The following DLST variants were observed in gnomAD, a reference collection of about 807,000 sequenced individuals.
DLST encodes the protein dihydrolipoamide S-succinyltransferase.
In DLST, 17 loss-of-function variants were observed where a neutral mutation model predicts 53.1. That is an observed-to-expected ratio of 0.32 (90% confidence interval 0.22 to 0.48). The LOEUF is 0.48. Among genes scored for constraint, DLST ranks in the 20% least tolerant of loss-of-function variants. The pLI is 0.99. For missense variants in DLST, 512 were observed against 583.9 expected (o/e 0.88, Z 1.27); for synonymous variants, 206 against 204.8 (o/e 1.01, Z -0.05).
chr14:74,895,647 C>T (rs751058135), intron 10 of DLST, among the ~76,000 whole-genome samples: 3 of 152,022 alleles, frequency 2.0e-5, no homozygotes, highest in South Asian at 2.1e-4. Context: ...CGCTTGTAAT[C>T]GCAACACTTT....
intron 6 of DLST, 28 bp downstream of exon 6, chr14:74,889,980 T>C: frequency 6.2e-7 from 1 of 1,606,964 alleles, no homozygotes; most frequent in Non-Finnish European, 8.5e-7. Context: ...TCGTACCAGC[T>C]TTTCATGGGC....
chr14:74,891,816 C>T, intron 7 of DLST: 1 of 985,388 alleles, frequency 1.0e-6, no homozygotes, highest in Non-Finnish European at 1.2e-6. Flanking sequence ...CACTGTTACA[C>T]TAATAAGGCA....
At chr14:74,882,462 C>G (rs1455783821) in intron 1 of DLST, 129 bp from the exon 2 acceptor site, 6 of 860,624 alleles carry the variant, frequency 7.0e-6, no homozygotes, top group African/African-American at 1.7e-5. Context: ...CGGTGTGTTG[C>G]ATTTACCTTC....
At chr14:74,886,308 T>C (rs1399514135) in intron 3 of DLST, among the ~76,000 whole-genome samples, 6 of 152,204 alleles carry the variant, frequency 3.9e-5, no homozygotes, top group Admixed American at 1.3e-4. Context: ...TCTTACTTAC[T>C]CTACATCACA....
Position 74,882,593 on chromosome 14 carries a change from G to A in DLST, c.66G>A (p.Gly22=). Residue 22 remains glycine, a splice_region_variant and synonymous_variant, in exon 2 of 15, where the codon GGG becomes GGA. Coordinates refer to ENST00000334220, the MANE Select transcript of DLST (RefSeq NM_001933.5). ...FSRSLSAFQK[G]NCPLGRRSLP... ...GATAATGTCTTCTTTCTCAACAGGG[G>A]AACTGCCCTCTAGGGAGACGTTCCC... 1 of 1,613,844 alleles carries A rather than the reference G, an allele frequency of 6.2e-7. No individual in the cohort carries two copies. The highest frequency in any genetic ancestry group is 8.5e-7 in the Non-Finnish European group (1 of 1,179,942).
intron 6 of DLST, among the ~76,000 whole-genome samples, chr14:74,890,534 C>T (rs1040752791): frequency 1.3e-5 from 2 of 152,128 alleles, no homozygotes; most frequent in African/African-American, 2.4e-5. Flanking sequence ...CCACTTTTTC[C>T]TGTATCACTT....
chr14:74,890,729 G>A (rs1883874930), intron 6 of DLST, among the ~76,000 whole-genome samples: 1 of 151,978 alleles, frequency 6.6e-6, no homozygotes, highest in Non-Finnish European at 1.5e-5. Context: ...TGTTGTTGTT[G>A]TTTTGAGACG....
chr14:74,895,016 C>T (rs1381723745), intron 10 of DLST, among the ~76,000 whole-genome samples: 1 of 152,046 alleles, frequency 6.6e-6, no homozygotes, highest in Non-Finnish European at 1.5e-5. Context: ...TTGCTTGAGT[C>T]CAGGAGTTCA....
At position 74,902,402 on chromosome 14, in the gene DLST, G is replaced by T; in HGVS notation, c.*72G>T. The stretch of plus-strand genomic sequence containing the variant: ...CAGTCTTCTCCCTGTCCCCTCATGG[G>T]TCCCGGGTTAGCCTGGTGACAGGCA... On this transcript the variant is annotated 3_prime_UTR_variant, in exon 15 of 15. Transcript: ENST00000334220. The T allele has an allele frequency of 6.7e-7, 1 of 1,500,970 alleles. No individual in the cohort carries two copies. 93.0% of individuals were successfully genotyped at this position (1,500,970 alleles called of 1,614,324 possible).
chr14:74,893,770 A>G (rs140663178), intron 9 of DLST, among the ~76,000 whole-genome samples: 1 of 152,252 alleles, frequency 6.6e-6, no homozygotes, highest in East Asian at 1.9e-4. Context: ...CTCTATTCCT[A>G]TACTTCTGGG....
intron 2 of DLST, 137 bp from the exon 3 acceptor site, chr14:74,885,449 T>TCG: frequency 2.2e-6 from 2 of 907,500 alleles, no homozygotes; most frequent in East Asian, 4.9e-5. Context: ...GAAGCAGGAC[T>TCG]CTATGATAAA....
In DLST at chr14:74,902,221, T is replaced by C; in HGVS notation, c.1253T>C (p.Val418Ala). ...GKVEVRPMMY[V>A]ALTYDHRLID... ...GTAGAGGTGCGGCCCATGATGTACG[T>C]GGCACTGACCTATGATCACCGGCTG... Residue 418 changes from valine to alanine, a missense_variant, in exon 15 of 15, where the codon GTG becomes GCG. Val to Ala is a moderately conservative substitution (Grantham distance 64). Transcript: ENST00000334220. The C allele has an allele frequency of 6.2e-7, 1 of 1,609,772 alleles. No individual in the cohort carries two copies. The highest frequency in any genetic ancestry group is 1.3e-5 in the African/African-American group (1 of 74,988).
intron 3 of DLST, among the ~76,000 whole-genome samples, chr14:74,888,884 G>A (rs1049054515): frequency 5.9e-5 from 9 of 152,168 alleles, no homozygotes; most frequent in Admixed American, 2.0e-4. Context: ...TACCTGGGTC[G>A]TTAGGCTCTA....
chr14:74,885,485 G>C, intron 2 of DLST, 101 bp from the exon 3 acceptor site: 1 of 1,183,596 alleles, frequency 8.4e-7, no homozygotes, highest in Non-Finnish European at 1.3e-6. Context: ...CGTTGATCCT[G>C]CTCTGTCTCA....
rs759545541 is a variant in DLST at position 74,891,239 on chromosome 14, A to G, written c.442+72A>G. On this transcript the variant is annotated intron_variant, in intron 7 of 14. Coordinates refer to ENST00000334220, the MANE Select transcript of DLST (RefSeq NM_001933.5). ...GGATTGGGACTGAGCATAATGTGCTAATTCCCCGATATGTCAAAGACTCTT... is the reference window on the plus strand; with the variant it reads ...GGATTGGGACTGAGCATAATGTGCTGATTCCCCGATATGTCAAAGACTCTT... The G allele has an allele frequency of 2.5e-6, 4 of 1,601,916 alleles. No homozygotes were observed. The South Asian group carries it at 3.3e-5, about 13-fold the overall frequency.
rs569414592 is a variant in DLST at position 74,889,437 on chromosome 14, C to T, written c.274+88C>T. The T allele has an allele frequency of 7.2e-4, 779 of 1,080,440 alleles. 2 individuals carry two copies. Among genetic ancestry groups the T allele is most frequent in the Non-Finnish European group, 9.5e-4 (720 of 754,182 alleles). 66.9% of individuals were successfully genotyped at this position (1,080,440 alleles called of 1,614,324 possible). On this transcript the variant is annotated intron_variant, in intron 5 of 14. Coordinates refer to ENST00000334220, the MANE Select transcript of DLST (RefSeq NM_001933.5). ...AGCCTGGAGTGCAGTGGTATGATCT[C>T]GGCTCACTGCAGCCTCTGCCTCCCA...
rs1206680626 is a variant in DLST at position 74,889,966 on chromosome 14, A to G, written c.330+14A>G. ...GAAACTGACAAGGTAGGCTTATCTTATATTCGTACCAGCTTTTCATGGGCT... is the reference window on the plus strand; with the variant it reads ...GAAACTGACAAGGTAGGCTTATCTTGTATTCGTACCAGCTTTTCATGGGCT... On this transcript the variant is annotated intron_variant, in intron 6 of 14. Transcript: ENST00000334220. The G allele has an allele frequency of 6.2e-7, 1 of 1,612,306 alleles. No individual in the cohort carries two copies. Among genetic ancestry groups the G allele is most frequent in the East Asian group, 2.2e-5 (1 of 44,782 alleles).
In DLST at chr14:74,889,156, C is replaced by G; in HGVS notation, c.199+9C>G. 6.2e-7 allele frequency: 1 copy of G among 1,613,994 alleles called. No homozygotes were observed. The highest frequency in any genetic ancestry group is 8.5e-7 in the Non-Finnish European group (1 of 1,179,892). ...AACTACAGCTGTATGCAGTAAGTACCTGCTTTCTTGGGAATGGAATTTTAT... is the reference window on the plus strand; with the variant it reads ...AACTACAGCTGTATGCAGTAAGTACGTGCTTTCTTGGGAATGGAATTTTAT... On this transcript the variant is annotated intron_variant, in intron 4 of 14. Coordinates refer to ENST00000334220, the MANE Select transcript of DLST (RefSeq NM_001933.5).
chr14:74,900,029 C>A, intron 12 of DLST, 33 bp downstream of exon 12: 2 of 1,536,878 alleles, frequency 1.3e-6, no homozygotes, highest in South Asian at 1.1e-5. Flanking sequence ...GAATGTTGGT[C>A]TTAGACCCTC....
Sources: gnomAD v4.1 joint callset for allele counts (sites outside exome capture counted in the v4.1 genomes callset) on GRCh38, gnomAD v4.1.1 for gene constraint, MANE v1.5 for transcripts, NCBI Gene and HGNC (gene_info 2026-07-23, HGNC 2026-07-21) for gene names.